ITPR1: variants seen among roughly 807,000 people sequenced by gnomAD.
The protein encoded by ITPR1 is inositol 1,4,5-trisphosphate-gated calcium channel ITPR1.
Under a neutral mutation model 318.4 loss-of-function variants are expected in ITPR1, and 96 were observed. The observed-to-expected ratio is 0.30, with a 90% CI of 0.26 to 0.36. The LOEUF is 0.36. Among genes scored for constraint, ITPR1 ranks in the 10% least tolerant of loss-of-function variants. The pLI is 1.00. For missense variants in ITPR1, 2,440 were observed against 3,460.2 expected (o/e 0.71, Z 7.40); for synonymous variants, 1,312 against 1,289.9 (o/e 1.02, Z -0.37).
At chr3:4,625,761 G>T (rs930940461) in intron 4 of ITPR1, among the ~76,000 whole-genome samples, 60 of 152,038 alleles carry the variant, frequency 3.9e-4, no homozygotes, top group Non-Finnish European at 6.3e-4. Flanking sequence ...GTTTCACCAT[G>T]TTAGCCAGGA....
Position 4,697,455 on chromosome 3 carries a change from C to CTTTTCTTTTTT in ITPR1, c.4407+187_4407+188insCTTTTTTTTTT, listed in dbSNP as rs1553699360. On this transcript the variant is annotated intron_variant, in intron 34 of 61. Transcript: ENST00000649015. ...CTTTCTTCTCATGTATCCTTTCTTCCTTTTTTTTTTTTTTGAGCTGGAGTC... is the reference window on the plus strand; with the variant it reads ...CTTTCTTCTCATGTATCCTTTCTTCCTTTTCTTTTTTTTTTTTTTTTTTTTGAGCTGGAGTC... 1.2e-4 allele frequency among the ~76,000 whole-genome samples: 10 copies of CTTTTCTTTTTT among 86,784 alleles called. 1 individual carries two copies. The highest frequency in any genetic ancestry group is 3.4e-4 in the African/African-American group (8 of 23,488). 56.9% of individuals were successfully genotyped at this position (86,784 alleles called of 152,430 possible).
chr3:4,686,324 G>T (rs3804989), intron 30 of ITPR1, among the ~76,000 whole-genome samples: 1 of 151,846 alleles, frequency 6.6e-6, no homozygotes, highest in African/African-American at 2.4e-5. Context: ...CAGGCCTTTC[G>T]GTAGCTATAA....
At chr3:4,547,875 T>C (rs1282260829) in intron 4 of ITPR1, among the ~76,000 whole-genome samples, 1 of 152,150 alleles carries the variant, frequency 6.6e-6, no homozygotes, top group East Asian at 1.9e-4. Context: ...GCGGAGGCCT[T>C]TGAGTATCAT....
At chr3:4,591,231 G>C (rs990565186) in intron 4 of ITPR1, among the ~76,000 whole-genome samples, 8 of 152,116 alleles carry the variant, frequency 5.3e-5, no homozygotes, top group African/African-American at 1.9e-4. Context: ...ATATTCCTCT[G>C]GGTGTATACT....
chr3:4,730,222 AAAAAAAAAC>A (rs1421847442), intron 42 of ITPR1, among the ~76,000 whole-genome samples: 1 of 146,718 alleles, frequency 6.8e-6, no homozygotes, highest in Non-Finnish European at 1.5e-5. Context: ...TCTTTAAAAA[AAAAAAAAAC>A]AAAAAAAAAC....
intron 4 of ITPR1, among the ~76,000 whole-genome samples, chr3:4,591,015 A>G (rs2090355051): frequency 6.6e-6 from 1 of 152,202 alleles, no homozygotes; most frequent in Non-Finnish European, 1.5e-5. Context: ...GCTAAGGATG[A>G]TAGCCTCCAG....
chr3:4,568,000 T>TTTATCAGG (rs369284260), intron 4 of ITPR1, among the ~76,000 whole-genome samples: 102 of 3,756 alleles, frequency 0.027, no homozygotes, highest in African/African-American at 0.044. Flanking sequence ...GCTCAGTAGA[T>TTTATCAGG]TATTTATCAG....
intron 4 of ITPR1, among the ~76,000 whole-genome samples, chr3:4,609,809 A>G (rs2091966980): frequency 6.6e-6 from 1 of 152,202 alleles, no homozygotes; most frequent in Non-Finnish European, 1.5e-5. Context: ...GAGGAATAGA[A>G]CAGGACAGAG....
At chr3:4,701,489 C>G (rs981312603) in intron 35 of ITPR1, among the ~76,000 whole-genome samples, 1 of 152,144 alleles carries the variant, frequency 6.6e-6, no homozygotes, top group Non-Finnish European at 1.5e-5. Context: ...TGCCTCTGCT[C>G]CTGTCCTCTA....
intron 50 of ITPR1, among the ~76,000 whole-genome samples, chr3:4,783,391 A>G (rs895362256): frequency 7.9e-5 from 12 of 152,202 alleles, no homozygotes; most frequent in East Asian, 5.8e-4. Flanking sequence ...ATACACAACA[A>G]TGATGATATT....
At chr3:4,684,243 G>C in intron 28 of ITPR1, 38 bp from the exon 29 acceptor site, 20 of 1,417,212 alleles carry the variant, frequency 1.4e-5, no homozygotes, top group Non-Finnish European at 2.0e-5. Flanking sequence ...TAGCCCAAGA[G>C]TTGTACAGAT....
At chr3:4,594,725 C>T (rs931943978) in intron 4 of ITPR1, among the ~76,000 whole-genome samples, 6 of 152,122 alleles carry the variant, frequency 3.9e-5, no homozygotes, top group East Asian at 1.9e-4. Context: ...CCACCATGGC[C>T]GTCTCAGTCA....
intron 44 of ITPR1, among the ~76,000 whole-genome samples, chr3:4,759,238 G>T (rs936027304): frequency 6.6e-6 from 1 of 152,218 alleles, no homozygotes; most frequent in African/African-American, 2.4e-5. Context: ...TGCAGGGCTG[G>T]GGGAGGATGG....
chr3:4,533,996 C>T (rs2083637432), intron 4 of ITPR1, among the ~76,000 whole-genome samples: 1 of 152,208 alleles, frequency 6.6e-6, no homozygotes. Context: ...CCCTTCCCTG[C>T]CCCCAACGTG....
At chr3:4,628,605 G>A (rs1258567815) in intron 5 of ITPR1, among the ~76,000 whole-genome samples, 2 of 152,150 alleles carry the variant, frequency 1.3e-5, no homozygotes, top group South Asian at 2.1e-4. Flanking sequence ...CCCATTTCCT[G>A]TTCCCTGAGC....
chr3:4,534,054 C>T (rs955576421), intron 4 of ITPR1, among the ~76,000 whole-genome samples: 23 of 152,254 alleles, frequency 1.5e-4, no homozygotes, highest in African/African-American at 5.3e-4. Flanking sequence ...TGCCAAGTGG[C>T]ATTCTCTCCC....
At chr3:4,699,163 A>G (rs2094603522) in intron 34 of ITPR1, among the ~76,000 whole-genome samples, 1 of 151,056 alleles carries the variant, frequency 6.6e-6, no homozygotes, top group Admixed American at 6.6e-5. Flanking sequence ...AGCCTGGCCA[A>G]TGTGGCGAAA....
intron 42 of ITPR1, among the ~76,000 whole-genome samples, chr3:4,727,750 T>G (rs2042621955): frequency 6.6e-6 from 1 of 152,174 alleles, no homozygotes; most frequent in Admixed American, 6.5e-5. Context: ...TTTTATTTTT[T>G]ATTTTTGTAG....
At chr3:4,716,911 G>A (rs968041845) in intron 39 of ITPR1, among the ~76,000 whole-genome samples, 7 of 152,154 alleles carry the variant, frequency 4.6e-5, no homozygotes, top group African/African-American at 7.2e-5. Flanking sequence ...AGCTGGTACC[G>A]TTTGAGCTTC....
Sources: gnomAD v4.1 joint callset for allele counts (sites outside exome capture counted in the v4.1 genomes callset) on GRCh38, gnomAD v4.1.1 for gene constraint, MANE v1.5 for transcripts, NCBI Gene and HGNC (gene_info 2026-07-23, HGNC 2026-07-21) for gene names.